Variants in SETX observed in about 807,000 individuals in gnomAD.
SETX encodes senataxin.
A neutral mutation model predicts 227.2 loss-of-function variants in SETX; 90 were observed. The ratio of observed to expected loss-of-function variants is 0.40; its 90% confidence interval spans 0.33 to 0.47. SETX has a LOEUF of 0.47. Ranked by LOEUF, SETX falls within the 20% of genes least tolerant of loss-of-function variation. The probability of loss-of-function intolerance (pLI) is 0.91; values close to 1 mark genes in which losing one functional copy is unlikely to be tolerated. For synonymous variants in SETX, 1,210 were observed against 1,113.2 expected, an observed-to-expected ratio of 1.09 and a Z score of -1.73; for missense variants, 3,052 against 3,181.5, an observed-to-expected ratio of 0.96 and a Z score of 0.98.
At chr9:132,333,416 T>TACAC (rs764524464) in intron 7 of SETX, among the ~76,000 whole-genome samples, 927 of 88,038 alleles carry the variant, frequency 0.011, 38 homozygotes, top group East Asian at 0.027. Flanking sequence ...AAAATATATA[T>TACAC]ACACACACAC....
chr9:132,315,624 T>C (rs950593183), intron 10 of SETX, among the ~76,000 whole-genome samples: 2 of 152,190 alleles, frequency 1.3e-5, no homozygotes, highest in African/African-American at 4.8e-5. Flanking sequence ...AATCAATATG[T>C]ATGTTTTCAA....
At chr9:132,322,987 GATA>G (rs1846462701) in intron 10 of SETX, among the ~76,000 whole-genome samples, 1 of 151,854 alleles carries the variant, frequency 6.6e-6, no homozygotes, top group Non-Finnish European at 1.5e-5. Context: ...TCCAAGAAAG[GATA>G]ACAAAAAGAA....
chr9:132,327,671 T>A lies in SETX; in HGVS notation c.3927A>T (p.Gln1309His). 1 of 1,613,872 alleles carries A rather than the reference T, an allele frequency of 6.2e-7. No individual in the cohort carries two copies. Among genetic ancestry groups the A allele is most frequent in the South Asian group, 1.1e-5 (1 of 91,056 alleles). The change falls in exon 10 of 26, where the codon CAA becomes CAT. Residue 1309 changes from glutamine (Q) to histidine (H), a missense_variant. Around this residue, in one of 10 missense-constraint regions of SETX, gnomAD observed 1,483 missense variants for 1,312.0 expected, o/e 1.13. Coordinates refer to ENST00000224140, the MANE Select transcript of SETX (RefSeq NM_015046.7). Reference sequence around the variant, plus strand: ...CAACAGTTTTGCCATGATCACGTAATTGAGCTACATAATCCAAAGACCGCT... The same window carrying A: ...CAACAGTTTTGCCATGATCACGTAAATGAGCTACATAATCCAAAGACCGCT... ...LSQRSLDYVA[Q>H]LRDHGKTVGV...
At chr9:132,324,247 A>G (rs530643435) in intron 10 of SETX, among the ~76,000 whole-genome samples, 21 of 152,324 alleles carry the variant, frequency 1.4e-4, no homozygotes, top group African/African-American at 4.6e-4. Context: ...CTAAAACAAA[A>G]GTACCTTAGG....
chr9:132,303,804 T>TA (rs1845167021), intron 11 of SETX, among the ~76,000 whole-genome samples: 1 of 152,118 alleles, frequency 6.6e-6, no homozygotes, highest in African/African-American at 2.4e-5. Context: ...GACATACTAC[T>TA]ACACACCCGT....
At chr9:132,278,776 TAAC>T (rs1474329385) in intron 20 of SETX, among the ~76,000 whole-genome samples, 1 of 152,220 alleles carries the variant, frequency 6.6e-6, no homozygotes, top group Non-Finnish European at 1.5e-5. Flanking sequence ...ACACAGATTT[TAAC>T]AATTATTTCT....
At chr9:132,287,322 G>A (rs1186846954) in intron 17 of SETX, among the ~76,000 whole-genome samples, 1 of 151,980 alleles carries the variant, frequency 6.6e-6, no homozygotes, top group African/African-American at 2.4e-5. Context: ...AGTTTCTACA[G>A]AAAACAAACA....
chr9:132,277,987 C>T, intron 21 of SETX, 83 bp downstream of exon 21: 1 of 1,331,144 alleles, frequency 7.5e-7, no homozygotes, highest in Non-Finnish European at 1.1e-6. Context: ...TATGACAAGA[C>T]CTAAGACGAC....
In SETX at chr9:132,327,796, T is replaced by A. The variant is rs764516725; in HGVS notation, c.3802A>T (p.Ile1268Leu). 1 of 1,614,086 alleles carries A rather than the reference T, an allele frequency of 6.2e-7. No homozygotes were observed. Among genetic ancestry groups the A allele is most frequent in the South Asian group, 1.1e-5 (1 of 91,094 alleles). Residue 1268 changes from isoleucine (I) to leucine (L), a missense_variant, in exon 10 of 26, where the codon ATA becomes TTA. Transcript: ENST00000224140. Reference protein sequence around the residue: ...NYLSCRTTPAIVPPKKFRQCP... With the variant: ...NYLSCRTTPALVPPKKFRQCP... ...TGACGAAATTTCTTTGGCGGCACTA[T>A]AGCAGGAGTTGTTCTACAACTTAGG...
At chr9:132,278,348 T>C (rs751398562) in intron 20 of SETX, 91 bp from the exon 21 acceptor site, 3 of 1,280,476 alleles carry the variant, frequency 2.3e-6, no homozygotes, top group Non-Finnish European at 3.4e-6. Flanking sequence ...CTAATACGTA[T>C]ATGGCAACGT....
At chr9:132,273,712 G>T (rs1843007020) in intron 23 of SETX, among the ~76,000 whole-genome samples, 1 of 151,800 alleles carries the variant, frequency 6.6e-6, no homozygotes, top group African/African-American at 2.4e-5. Context: ...GCTTTGTTAG[G>T]GTTTCTAGAA....
chr9:132,325,932 T>TAAA (rs1305318477), intron 10 of SETX, among the ~76,000 whole-genome samples: 1 of 73,984 alleles, frequency 1.4e-5, no homozygotes. Flanking sequence ...AAACTCCACC[T>TAAA]AAAAAAAAAA....
intron 10 of SETX, among the ~76,000 whole-genome samples, chr9:132,317,538 C>A (rs571590955): frequency 6.6e-6 from 1 of 152,196 alleles, no homozygotes; most frequent in East Asian, 1.9e-4. Flanking sequence ...AGTGTCTTTG[C>A]CCCTCTGAAT....
chr9:132,263,987 CTAAG>C lies in SETX; in HGVS notation c.*248_*251del. On this transcript the variant is annotated 3_prime_UTR_variant, in exon 26 of 26. Transcript: ENST00000224140. ...GTCTGACCTCCTTGTCTATAGAAGA[CTAAG>C]AGATCAACATTTCCAGTCTCTGACT... is the stretch of plus-strand genomic sequence containing the variant. The C allele has an allele frequency of 1.8e-6, 1 of 557,178 alleles. No homozygotes were observed. Among genetic ancestry groups the C allele is most frequent in the East Asian group, 3.1e-5 (1 of 31,976 alleles). 34.5% of individuals were successfully genotyped at this position (557,178 alleles called of 1,614,324 possible). A position where few individuals can be genotyped will look rare whatever the true frequency, so the allele number is the denominator to read the frequency against.
intron 10 of SETX, among the ~76,000 whole-genome samples, chr9:132,317,713 T>C (rs1337596516): frequency 2.0e-5 from 3 of 152,174 alleles, no homozygotes; most frequent in Non-Finnish European, 4.4e-5. Context: ...TCCTCTGGCC[T>C]CTGCCTCCCA....
chr9:132,293,514 C>T (rs535243783), intron 15 of SETX, among the ~76,000 whole-genome samples: 14 of 152,152 alleles, frequency 9.2e-5, no homozygotes, highest in South Asian at 4.2e-4. Context: ...CTCCACTTCC[C>T]GGGTTCAAGT....
intron 10 of SETX, among the ~76,000 whole-genome samples, chr9:132,320,350 C>T (rs559164743): frequency 2.0e-5 from 3 of 151,888 alleles, no homozygotes; most frequent in Admixed American, 6.6e-5. Context: ...CTGAGGCGAG[C>T]AGATCACAAG....
rs1335678166 is a variant in SETX at position 132,302,609 on chromosome 9, A to C, written c.5375-1806T>G. On this transcript the variant is annotated intron_variant, in intron 11 of 25. Coordinates refer to ENST00000224140, the MANE Select transcript of SETX (RefSeq NM_015046.7). The stretch of plus-strand genomic sequence containing the variant: ...TGGGAGGTGGAGATTGCTGTGAGCC[A>C]AGATTGCGCCATTGCACTCCAGCCT... Among the ~76,000 whole-genome samples, 3 of 147,986 alleles carry C rather than the reference A, an allele frequency of 2.0e-5. No individual in the cohort carries two copies. The East Asian group carries it at 6.0e-4, about 30-fold the overall frequency.
Position 132,264,981 on chromosome 9 carries a change from T to C in SETX, c.7292A>G (p.Asn2431Ser). ...ILGHLRTLME[N>S]QHWNQLIQDA... ...CTGAATCAGCTGATTCCAATGCTGG[T>C]TTTCCTTGAAACAATGAGAAGGGAG... Residue 2431 changes from asparagine to serine, a missense_variant, in exon 26 of 26, where the codon AAC becomes AGC. By Grantham distance (46) the Asn-to-Ser change is conservative. This residue lies in a region of SETX where 412 missense variants were observed against 589.0 expected (regional missense o/e 0.70). Transcript: ENST00000224140. 6.2e-7 allele frequency: 1 copy of C among 1,613,508 alleles called. No individual in the cohort carries two copies. The highest frequency in any genetic ancestry group is 1.3e-5 in the African/African-American group (1 of 75,026).
Sources: gnomAD v4.1 joint callset for allele counts (sites outside exome capture counted in the v4.1 genomes callset) on GRCh38, gnomAD v4.1.1 for gene constraint, gnomAD v4.1.1 regional missense constraint, MANE v1.5 for transcripts, NCBI Gene and HGNC (gene_info 2026-07-23, HGNC 2026-07-21) for gene names.